The following RAPGEF6 variants were observed in gnomAD, a reference collection of about 807,000 sequenced individuals.
The protein encoded by RAPGEF6 is Rap guanine nucleotide exchange factor 6, also known as PDZ domain containing guanine nucleotide exchange factor (GEF) 2.
In RAPGEF6, 56 loss-of-function variants were observed where a neutral mutation model predicts 171.4. That is an observed-to-expected ratio of 0.33 (90% CI 0.26 to 0.41). The LOEUF (loss-of-function observed/expected upper bound fraction) is 0.41. RAPGEF6 is among the 10% of genes least tolerant of loss of function. The probability of loss-of-function intolerance (pLI) is 1.00; values close to 1 mark genes in which losing one functional copy is unlikely to be tolerated. For synonymous variants in RAPGEF6, 692 were observed against 650.1 expected, an observed-to-expected ratio of 1.06 and a Z score of -0.98; for missense variants, 1,674 against 1,921.4, an observed-to-expected ratio of 0.87 and a Z score of 2.41.
At chr5:131,528,313 T>TATTTTATATATA (rs1251388931) in intron 6 of RAPGEF6, among the ~76,000 whole-genome samples, 18 of 48,846 alleles carry the variant, frequency 3.7e-4, no homozygotes, top group Non-Finnish European at 5.0e-4. Context: ...TATATTTATA[T>TATTTTATATATA]TATATATATA....
chr5:131,563,306 T>C (rs559808061), intron 4 of RAPGEF6, among the ~76,000 whole-genome samples: 1 of 152,150 alleles, frequency 6.6e-6, no homozygotes, highest in South Asian at 2.1e-4. Flanking sequence ...AAATAAGTCA[T>C]TTATAAAGAA....
rs147894122 is a variant in RAPGEF6 at position 131,604,803 on chromosome 5, A to C, written c.70-110T>G. On this transcript the variant is annotated intron_variant, in intron 1 of 27. Coordinates refer to ENST00000509018, the MANE Select transcript of RAPGEF6 (RefSeq NM_016340.6). Reference sequence around the variant, plus strand: ...AACAACCACTTATGGCAAAGCAGTTAACTATGGAAAAATCATAAAACCTCT... The same window carrying C: ...AACAACCACTTATGGCAAAGCAGTTCACTATGGAAAAATCATAAAACCTCT... 354 of 1,297,352 alleles carry C rather than the reference A, an allele frequency of 2.7e-4. 2 individuals carry two copies. The African/African-American group carries it at 3.9e-3, about 14-fold the overall frequency. The allele number at this position is 1,297,352 out of a possible 1,614,324, so 80.4% of individuals were successfully genotyped here.
In RAPGEF6 at chr5:131,613,148, C is replaced by T. The variant is rs146396592; in HGVS notation, c.70-8455G>A. The stretch of plus-strand genomic sequence containing the variant: ...CATTATGGCCAGGTGTGGTGGCTCA[C>T]GCCTATAATCCCAGCACTTTGGGAG... On this transcript the variant is annotated intron_variant, in intron 1 of 27. Transcript: ENST00000509018. 2.7e-3 allele frequency among the ~76,000 whole-genome samples: 417 copies of T among 152,320 alleles called. 4 individuals are homozygous for T. Among genetic ancestry groups the T allele is most frequent in the African/African-American group, 9.5e-3 (394 of 41,568 alleles).
At chr5:131,503,556 C>T (rs1283317948) in intron 11 of RAPGEF6, among the ~76,000 whole-genome samples, 1 of 152,158 alleles carries the variant, frequency 6.6e-6, no homozygotes, top group African/African-American at 2.4e-5. Flanking sequence ...AGTATGACAT[C>T]AGACTTCAAA....
chr5:131,516,796 T>C (rs1379450328), intron 7 of RAPGEF6, among the ~76,000 whole-genome samples: 1 of 152,222 alleles, frequency 6.6e-6, no homozygotes, highest in Non-Finnish European at 1.5e-5. Context: ...AAAATTTTAA[T>C]CTATGCTGAT....
At chr5:131,485,811 T>C (rs1755846473) in intron 15 of RAPGEF6, among the ~76,000 whole-genome samples, 1 of 152,212 alleles carries the variant, frequency 6.6e-6, no homozygotes, top group African/African-American at 2.4e-5. Flanking sequence ...CTTAATTTGA[T>C]TTTTATCTTC....
intron 5 of RAPGEF6, 77 bp from the exon 6 acceptor site, chr5:131,548,267 C>T (rs1194273972): frequency 6.9e-7 from 1 of 1,443,090 alleles, no homozygotes; most frequent in Non-Finnish European, 9.5e-7. Context: ...TCTTAACAGA[C>T]TCATAAGGAA....
intron 16 of RAPGEF6, 67 bp from the exon 17 acceptor site, chr5:131,472,811 C>G (rs1005488870): frequency 1.4e-6 from 2 of 1,380,786 alleles, no homozygotes; most frequent in African/African-American, 2.9e-5. Context: ...CGTTTCTGTT[C>G]CCTGTGCACT....
chr5:131,629,264 G>A (rs1346405841), intron 1 of RAPGEF6, among the ~76,000 whole-genome samples: 2 of 151,966 alleles, frequency 1.3e-5, no homozygotes, highest in Non-Finnish European at 2.9e-5. Context: ...AGGATCACTT[G>A]AGCCTAGGAG....
At chr5:131,442,784 ATC>A (rs1364947714) in intron 22 of RAPGEF6, among the ~76,000 whole-genome samples, 1 of 152,072 alleles carries the variant, frequency 6.6e-6, no homozygotes, top group Non-Finnish European at 1.5e-5. Flanking sequence ...TCCTAAATAA[ATC>A]TTTTTATTTT....
intron 20 of RAPGEF6, 95 bp from the exon 21 acceptor site, chr5:131,453,272 G>A: frequency 6.8e-7 from 1 of 1,461,024 alleles, no homozygotes; most frequent in Non-Finnish European, 9.0e-7. Context: ...CACAAAGAAG[G>A]ACCTTCTTTA....
chr5:131,634,073 G>C (rs137921766), intron 1 of RAPGEF6, among the ~76,000 whole-genome samples: 6 of 152,198 alleles, frequency 3.9e-5, no homozygotes, highest in Non-Finnish European at 5.9e-5. Context: ...CTGAGACTCA[G>C]TATGCAAAAC....
intron 4 of RAPGEF6, among the ~76,000 whole-genome samples, chr5:131,581,743 G>A (rs959257863): frequency 1.3e-5 from 2 of 152,172 alleles, no homozygotes; most frequent in African/African-American, 4.8e-5. Context: ...CCATGGTCAA[G>A]TCATGGTGAC....
At chr5:131,512,931 C>T (rs918379335) in intron 7 of RAPGEF6, among the ~76,000 whole-genome samples, 1 of 152,132 alleles carries the variant, frequency 6.6e-6, no homozygotes, top group African/African-American at 2.4e-5. Flanking sequence ...AACTTTCCAG[C>T]CTCAAGAATA....
chr5:131,484,464 C>T (rs747401576), intron 15 of RAPGEF6, among the ~76,000 whole-genome samples: 6 of 151,998 alleles, frequency 3.9e-5, no homozygotes, highest in Non-Finnish European at 8.8e-5. Flanking sequence ...ATCTGCCTGC[C>T]TGGGCCTCCC....
chr5:131,450,087 T>A, intron 21 of RAPGEF6: 1 of 1,523,312 alleles, frequency 6.6e-7, no homozygotes, highest in Non-Finnish European at 8.8e-7. Context: ...TGTGTTTGAA[T>A]AGGAAAGCAC....
At chr5:131,516,485 T>C (rs988495012) in intron 7 of RAPGEF6, among the ~76,000 whole-genome samples, 1 of 152,222 alleles carries the variant, frequency 6.6e-6, no homozygotes, top group Non-Finnish European at 1.5e-5. Context: ...GGAAATCATG[T>C]TGCCATAGAG....
At chr5:131,486,027 CCTATAAT>C (rs1241423798) in intron 15 of RAPGEF6, among the ~76,000 whole-genome samples, 2 of 152,052 alleles carry the variant, frequency 1.3e-5, no homozygotes, top group Admixed American at 6.5e-5. Context: ...TTGTCAGGCA[CCTATAAT>C]CTAAGTCCAG....
intron 7 of RAPGEF6, among the ~76,000 whole-genome samples, chr5:131,516,988 G>A (rs1316822612): frequency 2.0e-5 from 3 of 152,156 alleles, no homozygotes; most frequent in Non-Finnish European, 4.4e-5. Flanking sequence ...ATAAAACAGT[G>A]TAAACAGTTT....
Sources: allele counts gnomAD v4.1 joint callset (sites outside exome capture counted in the v4.1 genomes callset), GRCh38; gene constraint gnomAD v4.1.1; transcripts MANE v1.5; gene names NCBI Gene and HGNC (gene_info 2026-07-23, HGNC 2026-07-21).